ATCAY: variants seen among roughly 807,000 people sequenced by gnomAD.
ATCAY encodes ATCAY kinesin light chain interacting caytaxin.
In ATCAY, 22 loss-of-function variants were observed where a neutral mutation model predicts 47.7. The observed-to-expected ratio is 0.46, with a 90% CI of 0.33 to 0.66. ATCAY has a LOEUF of 0.66. ATCAY is among the 30% of genes least tolerant of loss of function. The probability of loss-of-function intolerance (pLI) is 0.02; values close to 1 mark genes in which losing one functional copy is unlikely to be tolerated. For synonymous variants in ATCAY, 216 were observed against 207.6 expected, an observed-to-expected ratio of 1.04 and a Z score of -0.35; for missense variants, 452 against 515.0, an observed-to-expected ratio of 0.88 and a Z score of 1.18.
chr19:3,884,537 T>C lies in ATCAY; in HGVS notation c.-41-1190T>C, dbSNP rs534061443. Among the ~76,000 whole-genome samples, 7 of 152,268 alleles carry C rather than the reference T, an allele frequency of 4.6e-5. No individual in the cohort carries two copies. In the South Asian group the frequency reaches 1.4e-3, roughly 32 times the overall value. ...CACGGAAGCTGAAGTATATCAGCCATTCACACTTTAGTATGAATGACTGTT... is the reference window on the plus strand; with the variant it reads ...CACGGAAGCTGAAGTATATCAGCCACTCACACTTTAGTATGAATGACTGTT... On this transcript the variant is annotated intron_variant, in intron 1 of 12. Coordinates refer to ENST00000450849, the MANE Select transcript of ATCAY (RefSeq NM_033064.5).
At chr19:3,908,074 G>A (rs1027826629) in intron 5 of ATCAY, among the ~76,000 whole-genome samples, 155 bp downstream of exon 5, 1 of 152,202 alleles carries the variant, frequency 6.6e-6, no homozygotes, top group Non-Finnish European at 1.5e-5. Context: ...GGTCAGGGAG[G>A]CGCACTGGGG....
rs1046530732 is a variant in ATCAY, at chr19:3,907,562, G to A, written c.359-172G>A. ...GGAGGCGGCATTTGAGCCAGGCCTT[G>A]AAAGGGGAGTAGGAGAGGAAAATGG... On this transcript the variant is annotated intron_variant, in intron 4 of 12. Coordinates refer to ENST00000450849, the MANE Select transcript of ATCAY (RefSeq NM_033064.5). The surrounding 1 kb of genome is among the most constrained non-coding windows in gnomAD (Gnocchi z 5.1). Among the ~76,000 whole-genome samples, 2 of 152,230 alleles carry A rather than the reference G, an allele frequency of 1.3e-5. No individual in the cohort carries two copies. Among genetic ancestry groups the A allele is most frequent in the Non-Finnish European group, 2.9e-5 (2 of 68,026 alleles).
intron 6 of ATCAY, among the ~76,000 whole-genome samples, chr19:3,909,068 G>A (rs967247881): frequency 8.6e-6 from 1 of 116,398 alleles, no homozygotes; most frequent in African/African-American, 3.3e-5. Flanking sequence ...GTGAAATCCT[G>A]CCTCTACTAA....
At chr19:3,899,806 A>C (rs1222264086) in intron 2 of ATCAY, among the ~76,000 whole-genome samples, 5 of 152,120 alleles carry the variant, frequency 3.3e-5, no homozygotes, top group African/African-American at 1.2e-4. Context: ...CCGGAATGGA[A>C]TATTTCCCAG....
chr19:3,881,316 T>G (rs1482738550), intron 1 of ATCAY, among the ~76,000 whole-genome samples: 1 of 145,480 alleles, frequency 6.9e-6, no homozygotes, highest in Non-Finnish European at 1.5e-5. Context: ...GACGCTGAAA[T>G]AGACCCATCC....
At position 3,892,868 on chromosome 19, in the gene ATCAY, G is replaced by A. The variant is rs748590205; in HGVS notation, c.77+7024G>A. On this transcript the variant is annotated intron_variant, in intron 2 of 12. Coordinates refer to ENST00000450849, the MANE Select transcript of ATCAY (RefSeq NM_033064.5). ...AGTTGCAATGAGCCCAGATTGTGCC[G>A]CCACACTCTAGCCTGAGCAACACAG... Among the ~76,000 whole-genome samples the A allele has an allele frequency of 3.0e-4, 45 of 151,758 alleles. 1 individual carries two copies. The highest frequency in any genetic ancestry group is 1.5e-3 in the Admixed American group (23 of 15,190).
intron 8 of ATCAY, among the ~76,000 whole-genome samples, chr19:3,913,172 A>G (rs10401143): frequency 0.022 from 3,292 of 151,910 alleles, 102 homozygotes; most frequent in African/African-American, 0.074. Flanking sequence ...CTGTAGTCCC[A>G]GCTACTCGGG....
At position 3,924,598 on chromosome 19, in the gene ATCAY, C is replaced by G; in HGVS notation, c.*6C>G. ...CCCTCCCTAGCATGTCCTGAGGCGA[C>G]GTGAGCATAACAAAGGACATGGAAG... is the stretch of plus-strand genomic sequence containing the variant. On this transcript the variant is annotated 3_prime_UTR_variant, in exon 13 of 13. Transcript: ENST00000450849. The G allele has an allele frequency of 6.2e-7, 1 of 1,613,682 alleles. No individual in the cohort carries two copies. The highest frequency in any genetic ancestry group is 8.5e-7 in the Non-Finnish European group (1 of 1,179,756).
At chr19:3,909,351 A>G in intron 6 of ATCAY, 135 bp from the exon 7 acceptor site, 1 of 990,720 alleles carries the variant, frequency 1.0e-6, no homozygotes, top group Non-Finnish European at 1.5e-6. Flanking sequence ...GTCCGCCAGG[A>G]CAGCAGACAA....
intron 12 of ATCAY, among the ~76,000 whole-genome samples, chr19:3,923,972 A>G (rs200201907): frequency 2.9e-3 from 28 of 9,574 alleles, no homozygotes; most frequent in African/African-American, 0.011. Context: ...GGGTGGGTGG[A>G]TGGATGGATG....
At chr19:3,881,384 G>GAA (rs397946296) in intron 1 of ATCAY, among the ~76,000 whole-genome samples, 54,747 of 129,930 alleles carry the variant, frequency 0.42, 12,170 homozygotes, top group Admixed American at 0.57. Context: ...ACGATTTCGG[G>GAA]AAAAAAAAAA....
intron 2 of ATCAY, among the ~76,000 whole-genome samples, chr19:3,891,438 T>A (rs2038718631): frequency 6.6e-6 from 1 of 151,942 alleles, no homozygotes; most frequent in East Asian, 1.9e-4. Context: ...CTGCCTCAAT[T>A]TCTCCATTCA....
At chr19:3,905,687 G>A in intron 4 of ATCAY, 32 bp downstream of exon 4, 1 of 1,574,824 alleles carries the variant, frequency 6.3e-7, no homozygotes, top group Non-Finnish European at 8.7e-7. Context: ...GGGCCTGCTG[G>A]AGCCCACCCC....
At chr19:3,924,222 T>C (rs1221276749) in intron 12 of ATCAY, among the ~76,000 whole-genome samples, 1 of 143,990 alleles carries the variant, frequency 6.9e-6, no homozygotes, top group Admixed American at 7.0e-5. Flanking sequence ...AATGGATGGG[T>C]GAGTGAGTGT....
rs145603275 is a variant in ATCAY at position 3,905,699 on chromosome 19, C to A, written c.358+44C>A. On this transcript the variant is annotated intron_variant, in intron 4 of 12. Coordinates refer to ENST00000450849, the MANE Select transcript of ATCAY (RefSeq NM_033064.5). Reference sequence around the variant, plus strand: ...CTGGGGCCTGCTGGAGCCCACCCCCCCCACCCCACCTTTCCGTCTCTGGAT... The same window carrying A: ...CTGGGGCCTGCTGGAGCCCACCCCCACCACCCCACCTTTCCGTCTCTGGAT... The A allele has an allele frequency of 4.5e-4, 691 of 1,533,332 alleles. 4 individuals carry two copies. The East Asian group carries it at 0.012, about 26-fold the overall frequency. 95.0% of individuals were successfully genotyped at this position (1,533,332 alleles called of 1,614,324 possible). A position where few individuals can be genotyped will look rare whatever the true frequency, so the allele number is the denominator to read the frequency against.
intron 2 of ATCAY, among the ~76,000 whole-genome samples, chr19:3,898,286 G>T (rs948912850): frequency 2.0e-5 from 3 of 152,110 alleles, no homozygotes; most frequent in Admixed American, 6.6e-5. Context: ...CCAAGTTAGA[G>T]CAATCCTCCT....
At chr19:3,914,517 G>A (rs993936859) in intron 9 of ATCAY, among the ~76,000 whole-genome samples, 2 of 151,900 alleles carry the variant, frequency 1.3e-5, no homozygotes, top group Non-Finnish European at 2.9e-5. Context: ...ATGAGATTTG[G>A]GTGAAGAGAC....
rs746566347 is a variant in ATCAY at position 3,907,855 on chromosome 19, G to A, written c.480G>A (p.Gly160=). ...NGRLWRTVII[G]EQEHRIDLHM... ...GCCTGTGGCGGACAGTGATCATCGG[G>A]GAGCAAGAGCACCGTATAGACCTGC... Residue 160 remains glycine (G), a synonymous_variant, in exon 5 of 13, where the codon GGG becomes GGA. Transcript: ENST00000450849. This position sits in a 1 kb window ranked among gnomAD's most constrained non-coding sequence, Gnocchi z 5.1. 1.9e-6 allele frequency: 3 copies of A among 1,613,950 alleles called. No homozygotes were observed. Among genetic ancestry groups the A allele is most frequent in the South Asian group, 2.2e-5 (2 of 91,090 alleles).
At chr19:3,914,097 G>A (rs2038945666) in intron 9 of ATCAY, among the ~76,000 whole-genome samples, 2 of 151,722 alleles carry the variant, frequency 1.3e-5, no homozygotes, top group African/African-American at 4.9e-5. Context: ...TTAGCCGGGC[G>A]TGGTGGCGGG....
Sources: allele counts gnomAD v4.1 joint callset (sites outside exome capture counted in the v4.1 genomes callset), GRCh38; gene constraint gnomAD v4.1.1; non-coding constraint Gnocchi (gnomAD v3.1); transcripts MANE v1.5; gene names NCBI Gene and HGNC (gene_info 2026-07-23, HGNC 2026-07-21).